ANKS1B: variants seen among roughly 807,000 people sequenced by gnomAD.
The protein encoded by ANKS1B is ankyrin repeat and sterile alpha motif domain containing 1B, also known as ankyrin repeat and sterile alpha motif domain-containing protein 1B.
In ANKS1B, 36 loss-of-function variants were observed where a neutral mutation model predicts 148.3. The observed-to-expected ratio is 0.24, with a 90% CI of 0.19 to 0.32. The LOEUF (loss-of-function observed/expected upper bound fraction) is 0.32. Among genes scored for constraint, ANKS1B ranks in the 10% least tolerant of loss-of-function variants. ANKS1B has a pLI of 1.00. For missense variants in ANKS1B, 1,157 were observed against 1,542.6 expected (o/e 0.75, Z 4.19); for synonymous variants, 542 against 560.8 (o/e 0.97, Z 0.47).
chr12:99,615,850 A>G (rs2153358423), intron 9 of ANKS1B, among the ~76,000 whole-genome samples: 1 of 152,242 alleles, frequency 6.6e-6, no homozygotes, highest in East Asian at 1.9e-4. Flanking sequence ...AGGAAGTCAA[A>G]TTGTCTCCGT....
rs550408918 is a variant in ANKS1B, at chr12:99,858,146, G to A, written c.135-32757C>T. Among the ~76,000 whole-genome samples, 4 of 152,032 alleles carry A rather than the reference G, an allele frequency of 2.6e-5. No homozygotes were observed. In the East Asian group the frequency reaches 7.7e-4, roughly 29 times the overall value. On this transcript the variant is annotated intron_variant, in intron 1 of 26. Transcript: ENST00000683438. ...TTCACAATCTATACATCCAACAAAG[G>A]ACCAATATCCAAAATTTACAAGGAA...
chr12:99,632,108 C>T (rs2098166991), intron 9 of ANKS1B, among the ~76,000 whole-genome samples: 1 of 152,136 alleles, frequency 6.6e-6, no homozygotes, highest in Non-Finnish European at 1.5e-5. Flanking sequence ...GACTTTGCTC[C>T]CCACACCCTT....
intron 17 of ANKS1B, among the ~76,000 whole-genome samples, chr12:98,970,274 T>A (rs1471218181): frequency 5.3e-5 from 8 of 152,234 alleles, no homozygotes; most frequent in Non-Finnish European, 2.9e-5. Context: ...GGTCCTTATT[T>A]TCCTCCATGA....
At position 99,895,039 on chromosome 12, in the gene ANKS1B, T is replaced by C. The variant is rs964411178; in HGVS notation, c.135-69650A>G. On this transcript the variant is annotated intron_variant, in intron 1 of 26. Transcript: ENST00000683438. The stretch of plus-strand genomic sequence containing the variant: ...CATTTGTATAATAGTTAATTTTATA[T>C]GTCAATTTGGCTGATCCACAGTGCC... Among the ~76,000 whole-genome samples the C allele has an allele frequency of 3.3e-5, 5 of 151,044 alleles. 1 individual carries two copies. The highest frequency in any genetic ancestry group is 5.9e-5 in the Non-Finnish European group (4 of 67,502).
chr12:99,425,671 T>C (rs937167431), intron 11 of ANKS1B, among the ~76,000 whole-genome samples: 2 of 151,920 alleles, frequency 1.3e-5, no homozygotes, highest in African/African-American at 4.8e-5. Context: ...TTCCTTGATA[T>C]TCAGCGCCAT....
intron 8 of ANKS1B, among the ~76,000 whole-genome samples, chr12:99,657,633 T>G (rs1249058868): frequency 9.0e-6 from 1 of 111,016 alleles, no homozygotes; most frequent in Non-Finnish European, 1.9e-5. Context: ...TTTAAAATCT[T>G]AATCTGAAAG....
At chr12:98,943,330 A>G (rs1176590809) in intron 17 of ANKS1B, among the ~76,000 whole-genome samples, 1 of 152,250 alleles carries the variant, frequency 6.6e-6, no homozygotes, top group Non-Finnish European at 1.5e-5. Context: ...ATGCTTTAAA[A>G]TGATAACTGT....
At chr12:99,635,469 G>C (rs1468634705) in intron 9 of ANKS1B, among the ~76,000 whole-genome samples, 1 of 152,060 alleles carries the variant, frequency 6.6e-6, no homozygotes, top group Non-Finnish European at 1.5e-5. Flanking sequence ...TGAATCTTGA[G>C]AACATTATGC....
chr12:99,443,915 G>T (rs1428695997), intron 10 of ANKS1B, 106 bp from the exon 11 acceptor site: 4 of 1,288,026 alleles, frequency 3.1e-6, no homozygotes, highest in Non-Finnish European at 3.2e-6. Flanking sequence ...TTTAAAACTG[G>T]TATCAATTAC....
At chr12:99,712,081 A>G (rs1471013969) in intron 8 of ANKS1B, among the ~76,000 whole-genome samples, 1 of 152,222 alleles carries the variant, frequency 6.6e-6, no homozygotes, top group East Asian at 1.9e-4. Context: ...ATCCTTAGCA[A>G]ACTAATGCAA....
chr12:99,215,754 A>C (rs1601751020), intron 14 of ANKS1B, among the ~76,000 whole-genome samples: 1 of 152,236 alleles, frequency 6.6e-6, no homozygotes, highest in Non-Finnish European at 1.5e-5. Flanking sequence ...CATTATACCT[A>C]GGAAGTAACT....
intron 14 of ANKS1B, among the ~76,000 whole-genome samples, chr12:99,156,458 T>C (rs2076064484): frequency 6.6e-6 from 1 of 152,214 alleles, no homozygotes; most frequent in South Asian, 2.1e-4. Flanking sequence ...GGTTTTCTGT[T>C]GTCTTCAAAA....
At chr12:99,591,716 C>G (rs973928034) in intron 9 of ANKS1B, among the ~76,000 whole-genome samples, 1 of 152,064 alleles carries the variant, frequency 6.6e-6, no homozygotes, top group Non-Finnish European at 1.5e-5. Flanking sequence ...CTCAGCTTCC[C>G]CATTCCAGGC....
At chr12:99,321,671 G>C (rs1160053794) in intron 12 of ANKS1B, among the ~76,000 whole-genome samples, 1 of 152,098 alleles carries the variant, frequency 6.6e-6, no homozygotes, top group Non-Finnish European at 1.5e-5. Flanking sequence ...GCGATGCCCC[G>C]CCCTGCTCTG....
At chr12:99,170,210 G>T (rs1408103066) in intron 14 of ANKS1B, among the ~76,000 whole-genome samples, 1 of 152,192 alleles carries the variant, frequency 6.6e-6, no homozygotes, top group East Asian at 1.9e-4. Flanking sequence ...TTCCACATGG[G>T]TGCTCAGCTG....
chr12:99,242,314 T>C (rs1009970251), intron 14 of ANKS1B, among the ~76,000 whole-genome samples: 2 of 151,970 alleles, frequency 1.3e-5, no homozygotes, highest in African/African-American at 4.8e-5. Context: ...GAGAATAAAA[T>C]ACCTAGGAAT....
chr12:99,632,331 T>C, intron 9 of ANKS1B, among the ~76,000 whole-genome samples: 1 of 151,970 alleles, frequency 6.6e-6, no homozygotes, highest in East Asian at 1.9e-4. Context: ...GGCACAGACT[T>C]GTTACAGGAA....
chr12:99,267,586 T>C (rs200553782), intron 12 of ANKS1B, among the ~76,000 whole-genome samples: 3 of 93,612 alleles, frequency 3.2e-5, no homozygotes, highest in Non-Finnish European at 6.6e-5. Context: ...TTCATTCATT[T>C]ATTCAATCTT....
At chr12:99,831,459 AAATT>A (rs3052631) in intron 1 of ANKS1B, among the ~76,000 whole-genome samples, 42,819 of 151,886 alleles carry the variant, frequency 0.28, 6,341 homozygotes, top group African/African-American at 0.36. Context: ...TTATTTTAAG[AAATT>A]AATTAATAGT....
Sources: allele counts gnomAD v4.1 joint callset (sites outside exome capture counted in the v4.1 genomes callset), GRCh38; gene constraint gnomAD v4.1.1; transcripts MANE v1.5; gene names NCBI Gene and HGNC (gene_info 2026-07-23, HGNC 2026-07-21).